E2F6: variants seen among roughly 807,000 people sequenced by gnomAD.
The protein encoded by E2F6 is transcription factor E2F6.
In E2F6, 19 loss-of-function variants were observed where a neutral mutation model predicts 31.5. The ratio of observed to expected loss-of-function variants is 0.60; its 90% CI spans 0.42 to 0.89. The LOEUF is 0.89. E2F6 is among the 40% of genes least tolerant of loss of function. E2F6 has a pLI of 0.00. For synonymous variants in E2F6, 121 were observed against 127.7 expected, an observed-to-expected ratio of 0.95 and a Z score of 0.36; for missense variants, 269 against 341.6, an observed-to-expected ratio of 0.79 and a Z score of 1.67.
rs538700364 is a variant in E2F6, at chr2:11,457,763, T to C, written c.109-530A>G. The stretch of plus-strand genomic sequence containing the variant: ...TCTATCTCAACCAACACATGCTCAC[T>C]CCTTGCTATTATTAAGTACACGTGG... On this transcript the variant is annotated intron_variant, in intron 1 of 6. Transcript: ENST00000381525. Among the ~76,000 whole-genome samples, 38 of 152,342 alleles carry C rather than the reference T, an allele frequency of 2.5e-4. No individual in the cohort carries two copies. In the South Asian group the frequency reaches 7.9e-3, roughly 32 times the overall value.
chr2:11,464,006 G>A (rs1671962707), intron 1 of E2F6, among the ~76,000 whole-genome samples: 1 of 149,122 alleles, frequency 6.7e-6, no homozygotes, highest in African/African-American at 2.5e-5. Context: ...AATGGGAAGA[G>A]GATGAGGACA....
At chr2:11,458,405 T>C (rs1671548071) in intron 1 of E2F6, 2 of 1,529,504 alleles carry the variant, frequency 1.3e-6, no homozygotes, top group African/African-American at 1.4e-5. Flanking sequence ...TGAACAAAGG[T>C]GTGAAGATGT....
chr2:11,463,998 T>C (rs532047163), intron 1 of E2F6, among the ~76,000 whole-genome samples: 1 of 124,164 alleles, frequency 8.1e-6, no homozygotes, highest in Admixed American at 9.2e-5. Flanking sequence ...CATGAAGGAA[T>C]GGGAAGAGGA....
rs753867441 is a variant in E2F6, at chr2:11,446,437, T to C, written c.*40A>G. 3.6e-5 allele frequency: 52 copies of C among 1,459,310 alleles called. No individual in the cohort carries two copies. Among genetic ancestry groups the C allele is most frequent in the Middle Eastern group, 1.7e-4 (1 of 5,744 alleles). 90.4% of individuals were successfully genotyped at this position (1,459,310 alleles called of 1,614,324 possible). On this transcript the variant is annotated 3_prime_UTR_variant, in exon 7 of 7. Coordinates refer to ENST00000381525, the MANE Select transcript of E2F6 (RefSeq NM_198256.4). ...TGATGCGTAATTCTCCACGAAGATA[T>C]TCCCAAAAAACTCAGTGATACATAA...
At chr2:11,460,045 T>C (rs1034802580) in intron 1 of E2F6, among the ~76,000 whole-genome samples, 6 of 152,174 alleles carry the variant, frequency 3.9e-5, no homozygotes, top group Admixed American at 3.9e-4. Context: ...CAAGTCAGCA[T>C]ATTTTTTCAA....
intron 1 of E2F6, chr2:11,458,286 G>T (rs772254381): frequency 7.6e-5 from 118 of 1,551,802 alleles, no homozygotes; most frequent in South Asian, 2.7e-4. Context: ...CTCACAGAAG[G>T]ATTCATGGCG....
At chr2:11,454,134 G>T (rs1210161605) in intron 2 of E2F6, among the ~76,000 whole-genome samples, 2 of 152,174 alleles carry the variant, frequency 1.3e-5, no homozygotes, top group Non-Finnish European at 2.9e-5. Context: ...CTCAGGAATA[G>T]AATTACACAT....
intron 1 of E2F6, among the ~76,000 whole-genome samples, chr2:11,464,840 C>A (rs974303486): frequency 2.6e-5 from 4 of 152,042 alleles, no homozygotes; most frequent in African/African-American, 9.7e-5. Context: ...TAATCACAAA[C>A]TATTTGGTAG....
chr2:11,460,846 T>C (rs760442406), intron 1 of E2F6, among the ~76,000 whole-genome samples: 32 of 152,208 alleles, frequency 2.1e-4, no homozygotes, highest in Non-Finnish European at 4.4e-4. Context: ...AGGTAATGTT[T>C]GGTGCTATGA....
At chr2:11,450,667 A>C (rs1671004749) in intron 4 of E2F6, among the ~76,000 whole-genome samples, 1 of 152,172 alleles carries the variant, frequency 6.6e-6, no homozygotes, top group Non-Finnish European at 1.5e-5. Context: ...CCATCTCACT[A>C]CCTGAGTCTT....
chr2:11,460,930 C>G (rs1671737098), intron 1 of E2F6, among the ~76,000 whole-genome samples: 1 of 151,844 alleles, frequency 6.6e-6, no homozygotes, highest in African/African-American at 2.4e-5. Context: ...GGACCAGAAA[C>G]CTAATACAGA....
intron 1 of E2F6, among the ~76,000 whole-genome samples, chr2:11,459,296 T>C (rs1671615530): frequency 6.6e-6 from 1 of 152,128 alleles, no homozygotes. Flanking sequence ...TAGGGTGTCT[T>C]CTCTGCTACA....
At position 11,445,837 on chromosome 2, in the gene E2F6, G is replaced by A. The variant is rs1263430992; in HGVS notation, c.*640C>T. 1 of 150,714 alleles carries A rather than the reference G, an allele frequency of 6.6e-6. No homozygotes were observed. Among genetic ancestry groups the A allele is most frequent in the East Asian group, 2.0e-4 (1 of 5,102 alleles). 9.3% of individuals were successfully genotyped at this position (150,714 alleles called of 1,614,324 possible). On this transcript the variant is annotated 3_prime_UTR_variant, in exon 7 of 7. Coordinates refer to ENST00000381525, the MANE Select transcript of E2F6 (RefSeq NM_198256.4). ...AAACATAAATGTGTAGCACATTTAT[G>A]ATACTTCTACATGTAGAAGTTTGGA...
rs529483901 is a variant in E2F6, at chr2:11,453,782, C to T, written c.180G>A (p.Lys60=). The change falls in exon 3 of 7, where the codon AAG becomes AAA. Residue 60 remains lysine, a synonymous_variant. Coordinates refer to ENST00000381525, the MANE Select transcript of E2F6 (RefSeq NM_198256.4). ...CCAGCGATACATCAAAACGAGGTCT[C>T]TTCACTTTTAGAGCTTCTGGGAAAC... The part of the protein sequence containing the change: ...YVSMRKALKV[K]RPRFDVSLVY... 74 of 1,613,922 alleles carry T rather than the reference C, an allele frequency of 4.6e-5. No individual in the cohort carries two copies. The African/African-American group carries it at 9.3e-4, about 20-fold the overall frequency.
chr2:11,455,539 A>C lies in E2F6; in HGVS notation c.163+1640T>G, dbSNP rs1671352006. ...TTTTTAATCGGAAGTAGAGGGTCAC[A>C]ATTCTACAACAAACTCAGGAAGATT... On this transcript the variant is annotated intron_variant, in intron 2 of 6. Coordinates refer to ENST00000381525, the MANE Select transcript of E2F6 (RefSeq NM_198256.4). The C allele has an allele frequency of 3.8e-6, 4 of 1,044,352 alleles. No homozygotes were observed. The South Asian group carries it at 5.5e-5, about 14-fold the overall frequency. The allele number at this position is 1,044,352 out of a possible 1,614,324, so 64.7% of individuals were successfully genotyped here. A position where few individuals can be genotyped will look rare whatever the true frequency, so the allele number is the denominator to read the frequency against.
chr2:11,453,486 T>G lies in E2F6; in HGVS notation c.380+96A>C, dbSNP rs1053802597. ...CTAACAAGAAGTCGTACCTTTGTAT[T>G]ATATTGTCAAAACACTGCCACTATC... On this transcript the variant is annotated intron_variant, in intron 3 of 6. Coordinates refer to ENST00000381525, the MANE Select transcript of E2F6 (RefSeq NM_198256.4). 24 of 1,149,024 alleles carry G rather than the reference T, an allele frequency of 2.1e-5. No individual in the cohort carries two copies. In the African/African-American group the frequency reaches 3.2e-4, roughly 16 times the overall value. The allele number at this position is 1,149,024 out of a possible 1,614,324, so 71.2% of individuals were successfully genotyped here.
intron 1 of E2F6, among the ~76,000 whole-genome samples, chr2:11,463,115 C>T (rs567088580): frequency 1.2e-4 from 18 of 152,322 alleles, no homozygotes; most frequent in African/African-American, 3.8e-4. Flanking sequence ...GTTTTTATCA[C>T]GTTCTCAAAT....
chr2:11,452,992 CT>C (rs1314076949), intron 3 of E2F6, among the ~76,000 whole-genome samples: 2 of 152,098 alleles, frequency 1.3e-5, no homozygotes, highest in Non-Finnish European at 2.9e-5. Flanking sequence ...TCACTATGTA[CT>C]TATTTGCTGT....
chr2:11,455,597 T>C (rs1406023442), intron 2 of E2F6: 2 of 511,906 alleles, frequency 3.9e-6, no homozygotes, highest in Non-Finnish European at 6.6e-6. Context: ...AAAAAGCATA[T>C]ATTTAATTAT....
Sources: allele counts gnomAD v4.1 joint callset (sites outside exome capture counted in the v4.1 genomes callset), GRCh38; gene constraint gnomAD v4.1.1; transcripts MANE v1.5; gene names NCBI Gene and HGNC (gene_info 2026-07-23, HGNC 2026-07-21).